Variants in FCHSD2 observed in about 807,000 individuals in gnomAD.
FCHSD2 encodes F-BAR and double SH3 domains protein 2.
In FCHSD2, 38 loss-of-function variants were observed where a neutral mutation model predicts 108.1. That is an observed-to-expected ratio of 0.35 (90% CI 0.27 to 0.46). The LOEUF is 0.46. Ranked by LOEUF, FCHSD2 falls within the 20% of genes least tolerant of loss-of-function variation. The probability of loss-of-function intolerance (pLI) is 1.00; values close to 1 mark genes in which losing one functional copy is unlikely to be tolerated. For synonymous variants in FCHSD2, 279 were observed against 314.7 expected (o/e 0.89, Z 1.20); for missense variants, 751 against 897.8 (o/e 0.84, Z 2.09).
chr11:72,972,719 T>C (rs1263695721), intron 8 of FCHSD2, among the ~76,000 whole-genome samples: 19 of 152,208 alleles, frequency 1.2e-4, no homozygotes, highest in Admixed American at 1.2e-3. Flanking sequence ...AGGGAAAGAA[T>C]CTATTACCCC....
chr11:73,022,295 A>C (rs1001146886), intron 3 of FCHSD2, among the ~76,000 whole-genome samples: 1 of 152,182 alleles, frequency 6.6e-6, no homozygotes, highest in African/African-American at 2.4e-5. Flanking sequence ...AATAAAAGGC[A>C]TACAGATAGG....
chr11:73,066,550 A>C (rs549263625), intron 3 of FCHSD2, among the ~76,000 whole-genome samples: 1 of 152,238 alleles, frequency 6.6e-6, no homozygotes, highest in Non-Finnish European at 1.5e-5. Flanking sequence ...CATCAGAGTG[A>C]ACAGGCAACC....
intron 14 of FCHSD2, 171 bp from the exon 15 acceptor site, chr11:72,843,703 A>G: frequency 1.7e-6 from 1 of 599,992 alleles, no homozygotes; most frequent in East Asian, 2.8e-5. Context: ...GTTTTACTTT[A>G]AAAAACTAAA....
At chr11:72,943,224 C>T (rs1856456539) in intron 8 of FCHSD2, among the ~76,000 whole-genome samples, 1 of 152,006 alleles carries the variant, frequency 6.6e-6, no homozygotes, top group Non-Finnish European at 1.5e-5. Flanking sequence ...AACTCCTGAC[C>T]TCATGTGATC....
chr11:73,106,705 T>A (rs1199568876), intron 2 of FCHSD2, among the ~76,000 whole-genome samples: 1 of 152,104 alleles, frequency 6.6e-6, no homozygotes, highest in Non-Finnish European at 1.5e-5. Flanking sequence ...TTATGCTGTG[T>A]TTTTTCTACG....
intron 3 of FCHSD2, among the ~76,000 whole-genome samples, chr11:73,038,102 C>T (rs1255861771): frequency 6.6e-6 from 1 of 152,082 alleles, no homozygotes; most frequent in Admixed American, 6.6e-5. Flanking sequence ...CTAAAAAATT[C>T]TTATGACGAG....
At chr11:72,873,101 G>A (rs570188515) in intron 12 of FCHSD2, among the ~76,000 whole-genome samples, 39 of 151,992 alleles carry the variant, frequency 2.6e-4, no homozygotes, top group Non-Finnish European at 5.0e-4. Flanking sequence ...AGGCTGAGGC[G>A]GGCAGATCAC....
At chr11:72,879,999 CAAAAAAAAAA>C (rs541384964) in intron 12 of FCHSD2, among the ~76,000 whole-genome samples, 12 of 63,178 alleles carry the variant, frequency 1.9e-4, no homozygotes, top group Non-Finnish European at 2.7e-4. Context: ...AATTCTGTCT[CAAAAAAAAAA>C]AAAAAAAAAA....
At chr11:72,983,850 C>T in intron 8 of FCHSD2, 1 of 597,602 alleles carries the variant, frequency 1.7e-6, no homozygotes, top group Non-Finnish European at 3.1e-6. Context: ...ATGTTTGCCG[C>T]ACCTAGGGAA....
At chr11:72,905,176 G>A (rs1179128434) in intron 9 of FCHSD2, among the ~76,000 whole-genome samples, 2 of 152,108 alleles carry the variant, frequency 1.3e-5, no homozygotes, top group Non-Finnish European at 2.9e-5. Flanking sequence ...TTCTTCTGAC[G>A]GTAATTATTG....
chr11:72,916,549 A>G (rs1855878130), intron 9 of FCHSD2, among the ~76,000 whole-genome samples: 1 of 152,146 alleles, frequency 6.6e-6, no homozygotes, highest in Non-Finnish European at 1.5e-5. Flanking sequence ...TCCTCAGCTC[A>G]AGCAATTCCC....
At chr11:72,970,900 C>T (rs893555578) in intron 8 of FCHSD2, among the ~76,000 whole-genome samples, 5 of 152,122 alleles carry the variant, frequency 3.3e-5, no homozygotes, top group African/African-American at 1.2e-4. Context: ...AAAGGCAATA[C>T]CAAGAAGCCA....
chr11:73,129,425 G>A (rs1022952773), intron 2 of FCHSD2, among the ~76,000 whole-genome samples: 1 of 152,172 alleles, frequency 6.6e-6, no homozygotes, highest in African/African-American at 2.4e-5. Flanking sequence ...TGCCACCTGA[G>A]CTCCGCCTCC....
At chr11:73,108,707 TACA>T (rs1860407786) in intron 2 of FCHSD2, among the ~76,000 whole-genome samples, 1 of 152,160 alleles carries the variant, frequency 6.6e-6, no homozygotes, top group African/African-American at 2.4e-5. Context: ...TAGCTGGGAC[TACA>T]GGCGCCCGCC....
intron 3 of FCHSD2, among the ~76,000 whole-genome samples, chr11:73,057,487 G>A (rs917924958): frequency 6.6e-6 from 1 of 152,074 alleles, no homozygotes; most frequent in Non-Finnish European, 1.5e-5. Flanking sequence ...GCCTTCTCCA[G>A]AAAACTATAT....
chr11:72,973,809 T>A (rs1477343786), intron 8 of FCHSD2, among the ~76,000 whole-genome samples: 3 of 152,262 alleles, frequency 2.0e-5, no homozygotes, highest in Non-Finnish European at 4.4e-5. Flanking sequence ...CAGCCCATCA[T>A]CCAGCTTTGT....
intron 14 of FCHSD2, among the ~76,000 whole-genome samples, chr11:72,847,867 AT>A (rs1248342611): frequency 6.6e-6 from 1 of 151,658 alleles, no homozygotes; most frequent in African/African-American, 2.4e-5. Context: ...TAATTTTTGT[AT>A]TTTTAGTAGA....
At chr11:72,925,173 T>C (rs1198702113) in intron 8 of FCHSD2, among the ~76,000 whole-genome samples, 1 of 152,126 alleles carries the variant, frequency 6.6e-6, no homozygotes, top group Non-Finnish European at 1.5e-5. Context: ...GCTGTATGGG[T>C]GCAAGTGAGA....
intron 8 of FCHSD2, among the ~76,000 whole-genome samples, chr11:72,980,694 T>C (rs891457762): frequency 1.4e-5 from 2 of 143,104 alleles, no homozygotes; most frequent in Middle Eastern, 3.8e-3. Context: ...TATATATATA[T>C]ATAATGTATG....
Sources: allele counts gnomAD v4.1 joint callset (sites outside exome capture counted in the v4.1 genomes callset), GRCh38; gene constraint gnomAD v4.1.1; transcripts MANE v1.5; gene names NCBI Gene and HGNC (gene_info 2026-07-23, HGNC 2026-07-21).